VWA3B: variants seen among roughly 807,000 people sequenced by gnomAD.
The protein encoded by VWA3B is von Willebrand factor A domain containing 3B.
VWA3B carries 138 observed loss-of-function variants against 158.3 expected under a neutral mutation model. The observed-to-expected ratio is 0.87, with a 90% confidence interval of 0.76 to 1.00. The LOEUF (loss-of-function observed/expected upper bound fraction) is 1.00. Among genes scored for constraint, VWA3B ranks in the 50% least tolerant of loss-of-function variants. The pLI is 0.00. For missense variants in VWA3B, 1,555 were observed against 1,565.1 expected (o/e 0.99, Z 0.11); for synonymous variants, 596 against 587.3 (o/e 1.01, Z -0.21).
At chr2:98,229,328 G>A (rs888512869) in intron 15 of VWA3B, among the ~76,000 whole-genome samples, 2 of 152,302 alleles carry the variant, frequency 1.3e-5, no homozygotes, top group African/African-American at 2.4e-5. Context: ...GGCACAGTGC[G>A]GGCACAGACC....
At chr2:98,115,306 A>T (rs943101506) in intron 2 of VWA3B, among the ~76,000 whole-genome samples, 1 of 152,060 alleles carries the variant, frequency 6.6e-6, no homozygotes, top group African/African-American at 2.4e-5. Context: ...GGGTGGGGGA[A>T]GGCGGGAGGG....
chr2:98,158,646 T>C (rs796575569), intron 7 of VWA3B, among the ~76,000 whole-genome samples: 36 of 151,876 alleles, frequency 2.4e-4, no homozygotes, highest in African/African-American at 7.7e-4. Context: ...GGATGGAGTC[T>C]AGTGGTGCCC....
chr2:98,207,514 A>G, intron 12 of VWA3B: 1 of 515,458 alleles, frequency 1.9e-6, no homozygotes, highest in Non-Finnish European at 3.9e-6. Flanking sequence ...TGTGTCTTGA[A>G]TGTGGATAAT....
chr2:98,213,329 G>A (rs1357802251), intron 13 of VWA3B, among the ~76,000 whole-genome samples: 1 of 152,102 alleles, frequency 6.6e-6, no homozygotes, highest in African/African-American at 2.4e-5. Context: ...ACTCTCGGAG[G>A]AGCCGCCCAC....
At chr2:98,269,433 C>G (rs1445763772) in intron 21 of VWA3B, 4 of 152,198 alleles carry the variant, frequency 2.6e-5, no homozygotes, top group Admixed American at 2.6e-4. Context: ...TTTCTGTTCT[C>G]AGAGGTCCCA....
chr2:98,110,804 G>A (rs1674079324), intron 2 of VWA3B, among the ~76,000 whole-genome samples: 1 of 152,180 alleles, frequency 6.6e-6, no homozygotes, highest in Admixed American at 6.5e-5. Flanking sequence ...CCACGTTTGT[G>A]GGAGGGACCC....
At chr2:98,198,643 A>G (rs1574057239) in intron 12 of VWA3B, among the ~76,000 whole-genome samples, 2 of 152,154 alleles carry the variant, frequency 1.3e-5, no homozygotes, top group East Asian at 3.9e-4. Flanking sequence ...GACCAATTCT[A>G]TCACTCCCAA....
At chr2:98,154,372 A>G (rs1429852648) in intron 7 of VWA3B, among the ~76,000 whole-genome samples, 4 of 152,162 alleles carry the variant, frequency 2.6e-5, no homozygotes, top group Non-Finnish European at 4.4e-5. Flanking sequence ...CCTTCCCTCC[A>G]TTACTGCAGG....
At chr2:98,254,591 C>T (rs992021746) in intron 20 of VWA3B, among the ~76,000 whole-genome samples, 2 of 152,136 alleles carry the variant, frequency 1.3e-5, no homozygotes, top group Non-Finnish European at 1.5e-5. Context: ...TCCCTCTTCC[C>T]GACTCTTTTT....
chr2:98,304,210 G>A (rs368059314), intron 26 of VWA3B, among the ~76,000 whole-genome samples: 186 of 152,276 alleles, frequency 1.2e-3, no homozygotes, highest in African/African-American at 3.7e-3. Flanking sequence ...TTGGAGGGGC[G>A]GTGGCTTCCA....
intron 7 of VWA3B, among the ~76,000 whole-genome samples, chr2:98,138,194 G>A (rs949583888): frequency 1.3e-5 from 2 of 152,192 alleles, no homozygotes; most frequent in Non-Finnish European, 2.9e-5. Context: ...GTAAGCTCTG[G>A]AAGATGCTCC....
chr2:98,098,916 CTTATAG>C (rs1682899068), intron 2 of VWA3B, among the ~76,000 whole-genome samples: 2 of 152,066 alleles, frequency 1.3e-5, no homozygotes, highest in South Asian at 2.1e-4. Context: ...CAAAAACCAT[CTTATAG>C]TTATAAGAAG....
At chr2:98,185,242 C>A (rs141419315) in intron 9 of VWA3B, among the ~76,000 whole-genome samples, 1 of 152,272 alleles carries the variant, frequency 6.6e-6, no homozygotes, top group East Asian at 1.9e-4. Context: ...GTCTCCTCCA[C>A]CAGGATATAA....
intron 19 of VWA3B, among the ~76,000 whole-genome samples, chr2:98,240,447 G>C (rs1254939456): frequency 6.6e-6 from 1 of 152,080 alleles, no homozygotes; most frequent in Non-Finnish European, 1.5e-5. Context: ...TATAAGTCTG[G>C]CTTTGGAAGA....
At chr2:98,105,283 T>TATA (rs1201130907) in intron 2 of VWA3B, among the ~76,000 whole-genome samples, 7 of 152,222 alleles carry the variant, frequency 4.6e-5, no homozygotes, top group African/African-American at 1.7e-4. Flanking sequence ...CATCCATACT[T>TATA]ATATATTCTG....
intron 3 of VWA3B, among the ~76,000 whole-genome samples, chr2:98,115,954 G>A (rs1032093726): frequency 6.6e-6 from 1 of 151,982 alleles, no homozygotes; most frequent in Non-Finnish European, 1.5e-5. Flanking sequence ...AATTAGTGCA[G>A]AAAACTCTTG....
In VWA3B at chr2:98,194,598, A is replaced by G. The variant is rs186961152; in HGVS notation, c.1737+106A>G. On this transcript the variant is annotated intron_variant, in intron 12 of 27. Coordinates refer to ENST00000477737, the MANE Select transcript of VWA3B (RefSeq NM_144992.5). The stretch of plus-strand genomic sequence containing the variant: ...CTGAGAGGTGTTTTGCACTCTCAGG[A>G]TGGAAGTGGCTTAACATGTAGACTT... 2.2e-3 allele frequency: 3,040 copies of G among 1,413,468 alleles called. 6 individuals carry two copies. Among genetic ancestry groups the G allele is most frequent in the Non-Finnish European group, 2.5e-3 (2,627 of 1,039,070 alleles). 87.6% of individuals were successfully genotyped at this position (1,413,468 alleles called of 1,614,324 possible).
In VWA3B at chr2:98,300,130, T is replaced by C. The variant is rs544976296; in HGVS notation, c.3334T>C (p.Tyr1112His). 5.0e-6 allele frequency: 8 copies of C among 1,614,278 alleles called. No homozygotes were observed. In the African/African-American group the frequency reaches 1.1e-4, roughly 22 times the overall value. Residue 1112 changes from tyrosine (Y) to histidine (H), a missense_variant, in exon 25 of 28, where the codon TAT (tyrosine) becomes CAT (histidine). Physicochemically the swap from Tyr to His is moderately conservative, Grantham distance 83. Coordinates refer to ENST00000477737, the MANE Select transcript of VWA3B (RefSeq NM_144992.5). The stretch of plus-strand genomic sequence containing the variant: ...TGTGATACCCAAAGGATTTGACTTC[T>C]ATGTCCCTGCCATTGTCATAGCACT... ...KIVIPKGFDFYVPAIVIALPN... is the reference protein window; with the variant it reads ...KIVIPKGFDFHVPAIVIALPN...
chr2:98,269,303 G>GT lies in VWA3B; in HGVS notation c.2844-1378dup, dbSNP rs1312772389. Reference sequence around the variant, plus strand: ...ATGTGTCTTCTCTGGGCTTGTGTGTGTAATTTCCCAGTGAAAAAGATTTGC... The same window carrying GT: ...ATGTGTCTTCTCTGGGCTTGTGTGTGTTAATTTCCCAGTGAAAAAGATTTGC... On this transcript the variant is annotated intron_variant, in intron 21 of 27. Transcript: ENST00000477737. 3 of 152,236 alleles carry GT rather than the reference G, an allele frequency of 2.0e-5. No homozygotes were observed. The East Asian group carries it at 5.8e-4, about 29-fold the overall frequency. The allele number at this position is 152,236 out of a possible 1,614,324, so 9.4% of individuals were successfully genotyped here.
Sources: gnomAD v4.1 joint callset for allele counts (sites outside exome capture counted in the v4.1 genomes callset) on GRCh38, gnomAD v4.1.1 for gene constraint, MANE v1.5 for transcripts, NCBI Gene and HGNC (gene_info 2026-07-23, HGNC 2026-07-21) for gene names.